RIT2: variants seen among roughly 807,000 people sequenced by gnomAD.
RIT2 encodes the protein GTP-binding protein Rit2.
Under a neutral mutation model 23.7 loss-of-function variants are expected in RIT2, and 24 were observed. That is an observed-to-expected ratio of 1.01 (90% CI 0.73 to 1.43). RIT2 has a LOEUF of 1.43. Among genes scored for constraint, RIT2 ranks in the 40% most tolerant of loss-of-function variants. The probability of loss-of-function intolerance (pLI) is 0.00; values close to 1 mark genes in which losing one functional copy is unlikely to be tolerated. For synonymous variants in RIT2, 107 were observed against 91.1 expected (o/e 1.17, Z -0.99); for missense variants, 236 against 266.9 (o/e 0.88, Z 0.81).
At position 43,105,100 on chromosome 18, in the gene RIT2, CTGTG is replaced by C. The variant is rs756311809; in HGVS notation, c.103+10313_103+10316del. ...AGTCCTTTCTCTAACAGGCAGTGTG[CTGTG>C]TGTGTGTGTGTGTGTGTGTGTGTGT... On this transcript the variant is annotated intron_variant, in intron 1 of 4. Coordinates refer to ENST00000326695, the MANE Select transcript of RIT2 (RefSeq NM_002930.4). 5.4e-3 allele frequency among the ~76,000 whole-genome samples: 770 copies of C among 143,028 alleles called. 4 individuals are homozygous for C. The highest frequency in any genetic ancestry group is 0.035 in the East Asian group (169 of 4,850). 93.8% of individuals were successfully genotyped at this position (143,028 alleles called of 152,430 possible). A position where few individuals can be genotyped will look rare whatever the true frequency, so the allele number is the denominator to read the frequency against.
intron 4 of RIT2, among the ~76,000 whole-genome samples, chr18:42,887,135 G>A (rs1908043715): frequency 6.6e-6 from 1 of 152,052 alleles, no homozygotes; most frequent in South Asian, 2.1e-4. Flanking sequence ...ATGCTGTTAA[G>A]ATAAATCTTA....
chr18:43,044,000 C>T (rs896856179), intron 1 of RIT2, among the ~76,000 whole-genome samples: 1 of 152,028 alleles, frequency 6.6e-6, no homozygotes, highest in African/African-American at 2.4e-5. Flanking sequence ...GGAAGCATGG[C>T]AGAACAGCAC....
chr18:42,903,855 A>T (rs958789047), intron 4 of RIT2, among the ~76,000 whole-genome samples: 2 of 152,174 alleles, frequency 1.3e-5, no homozygotes, highest in African/African-American at 4.8e-5. Context: ...TAAGTGAAAA[A>T]GCAAGCAAAT....
chr18:42,978,424 A>G lies in RIT2; in HGVS notation c.161-4277T>C, dbSNP rs141735779. Among the ~76,000 whole-genome samples the G allele has an allele frequency of 6.2e-3, 939 of 151,966 alleles. 13 individuals are homozygous for G. Among genetic ancestry groups the G allele is most frequent in the African/African-American group, 0.022 (909 of 41,456 alleles). ...CCTTTTCATTTCCTCCCCATAAACAATCTTTCTGTTTCCATTCATTCACTC... is the reference window on the plus strand; with the variant it reads ...CCTTTTCATTTCCTCCCCATAAACAGTCTTTCTGTTTCCATTCATTCACTC... On this transcript the variant is annotated intron_variant, in intron 2 of 4. Transcript: ENST00000326695.
chr18:42,982,308 G>A (rs1222943865), intron 2 of RIT2, among the ~76,000 whole-genome samples: 2 of 152,108 alleles, frequency 1.3e-5, no homozygotes, highest in African/African-American at 2.4e-5. Context: ...TTCCGCATTT[G>A]TTCTCTGCGG....
In RIT2 at chr18:42,824,212, T is replaced by C. The variant is rs79570616; in HGVS notation, c.427-80492A>G. Among the ~76,000 whole-genome samples, 293 of 152,266 alleles carry C rather than the reference T, an allele frequency of 1.9e-3. 1 individual carries two copies. Among genetic ancestry groups the C allele is most frequent in the Non-Finnish European group, 3.5e-3 (240 of 67,960 alleles). On this transcript the variant is annotated intron_variant, in intron 4 of 4. Transcript: ENST00000326695. ...ACCATATTTTTAACCTTGAATGTTA[T>C]ACACTGAAAGAAGTGAATGTTGAGT...
intron 1 of RIT2, among the ~76,000 whole-genome samples, chr18:43,079,012 A>C (rs753082156): frequency 1.3e-5 from 2 of 152,200 alleles, no homozygotes; most frequent in African/African-American, 2.4e-5. Context: ...AAATTACATT[A>C]TGTTTGAATA....
intron 4 of RIT2, among the ~76,000 whole-genome samples, chr18:42,812,655 C>A (rs1905884111): frequency 6.6e-6 from 1 of 151,916 alleles, no homozygotes; most frequent in South Asian, 2.1e-4. Context: ...TGGCATTTAG[C>A]AAGATCTTCA....
rs112323608 is a variant in RIT2, at chr18:42,827,878, G to A, written c.427-84158C>T. Among the ~76,000 whole-genome samples, 973 of 151,716 alleles carry A rather than the reference G, an allele frequency of 6.4e-3. 9 individuals are homozygous for A. Among genetic ancestry groups the A allele is most frequent in the African/African-American group, 0.022 (924 of 41,396 alleles). On this transcript the variant is annotated intron_variant, in intron 4 of 4. Coordinates refer to ENST00000326695, the MANE Select transcript of RIT2 (RefSeq NM_002930.4). Reference sequence around the variant, plus strand: ...AAATTAGCCGGGCATGGTGGCACGCGCCTGTAGTCCCAGCTACTCGGGAGG... The same window carrying A: ...AAATTAGCCGGGCATGGTGGCACGCACCTGTAGTCCCAGCTACTCGGGAGG...
chr18:42,758,751 C>T (rs1165865844), intron 4 of RIT2, among the ~76,000 whole-genome samples: 2 of 151,638 alleles, frequency 1.3e-5, no homozygotes, highest in Admixed American at 1.3e-4. Context: ...TCTCAATCTC[C>T]TGACCACAAG....
At chr18:42,830,620 G>A (rs1906429500) in intron 4 of RIT2, among the ~76,000 whole-genome samples, 2 of 152,104 alleles carry the variant, frequency 1.3e-5, no homozygotes, top group African/African-American at 2.4e-5. Context: ...ATCAAGACAG[G>A]AATTTACTAA....
chr18:42,982,572 TA>T (rs1300135721), intron 2 of RIT2, among the ~76,000 whole-genome samples: 1 of 152,176 alleles, frequency 6.6e-6, no homozygotes, highest in Non-Finnish European at 1.5e-5. Context: ...AACAAGGTAA[TA>T]GCTTCAGCTA....
intron 3 of RIT2, among the ~76,000 whole-genome samples, chr18:42,944,520 A>ACCC (rs1275143246): frequency 1.3e-5 from 2 of 152,004 alleles, no homozygotes; most frequent in African/African-American, 4.8e-5. Flanking sequence ...GGCCCCTGTG[A>ACCC]TTTCGAGAGA....
chr18:42,753,400 C>T (rs1421380826), intron 4 of RIT2, among the ~76,000 whole-genome samples: 1 of 152,136 alleles, frequency 6.6e-6, no homozygotes, highest in Non-Finnish European at 1.5e-5. Flanking sequence ...GCTATAATTG[C>T]TAACCTTGAG....
At chr18:43,019,934 C>T (rs1408475290) in intron 2 of RIT2, among the ~76,000 whole-genome samples, 2 of 150,256 alleles carry the variant, frequency 1.3e-5, no homozygotes, top group Non-Finnish European at 3.0e-5. Flanking sequence ...ATCCCATCTA[C>T]AATAGTTACC....
intron 4 of RIT2, among the ~76,000 whole-genome samples, chr18:42,850,095 G>GTGTT (rs1907012638): frequency 6.6e-6 from 1 of 151,642 alleles, no homozygotes; most frequent in Non-Finnish European, 1.5e-5. Flanking sequence ...GTGTGTGTGT[G>GTGTT]TGTGTGTGTG....
rs141136193 is a variant in RIT2 at position 42,910,426 on chromosome 18, G to C, written c.426+13146C>G. 2.6e-5 allele frequency among the ~76,000 whole-genome samples: 4 copies of C among 152,164 alleles called. No individual in the cohort carries two copies. In the East Asian group the frequency reaches 5.8e-4, roughly 22 times the overall value. The stretch of plus-strand genomic sequence containing the variant: ...ATAAGAGGGTGGTTTCCTGGCAAAG[G>C]CTCCACTGTCAAGCCTGGAAACCCA... On this transcript the variant is annotated intron_variant, in intron 4 of 4. Transcript: ENST00000326695.
chr18:42,876,599 T>C (rs1907749393), intron 4 of RIT2, among the ~76,000 whole-genome samples: 1 of 151,912 alleles, frequency 6.6e-6, no homozygotes, highest in Non-Finnish European at 1.5e-5. Flanking sequence ...ACTGAAATTG[T>C]AAAGTTAGTA....
At chr18:42,947,664 C>G (rs928949119) in intron 3 of RIT2, among the ~76,000 whole-genome samples, 1 of 152,066 alleles carries the variant, frequency 6.6e-6, no homozygotes, top group Non-Finnish European at 1.5e-5. Context: ...AGCAACACTG[C>G]TACTATCCCA....
Sources: gnomAD v4.1 joint callset for allele counts (sites outside exome capture counted in the v4.1 genomes callset) on GRCh38, gnomAD v4.1.1 for gene constraint, MANE v1.5 for transcripts, NCBI Gene and HGNC (gene_info 2026-07-23, HGNC 2026-07-21) for gene names.